The following BTNL8 variants were observed in gnomAD, a reference collection of about 807,000 sequenced individuals.
BTNL8 encodes butyrophilin-like protein 8.
In BTNL8, 22 loss-of-function variants were observed where a neutral mutation model predicts 36.1. The ratio of observed to expected loss-of-function variants is 0.61; its 90% CI spans 0.44 to 0.87. The LOEUF (loss-of-function observed/expected upper bound fraction) is 0.87, where lower values mean the gene tolerates loss of function less well. BTNL8 is among the 40% of genes least tolerant of loss of function. The probability of loss-of-function intolerance (pLI) is 0.00; values close to 1 mark genes in which losing one functional copy is unlikely to be tolerated. For synonymous variants in BTNL8, 203 were observed against 235.6 expected (o/e 0.86, Z 1.27); for missense variants, 526 against 616.9 (o/e 0.85, Z 1.56).
rs1759368806 is a variant in BTNL8 at position 180,948,209 on chromosome 5, G to A, written c.788-146G>A. ...CCAGAGAGCCACACTCCGTGCAGGA[G>A]CTGGGGAGACGAGCACATATAAGTG... On this transcript the variant is annotated intron_variant, in intron 4 of 7. Coordinates refer to ENST00000340184, the MANE Select transcript of BTNL8 (RefSeq NM_001040462.3). 4.1e-6 allele frequency: 5 copies of A among 1,221,962 alleles called. No individual in the cohort carries two copies. The East Asian group carries it at 1.3e-4, about 31-fold the overall frequency. The allele number at this position is 1,221,962 out of a possible 1,614,324, so 75.7% of individuals were successfully genotyped here.
intron 3 of BTNL8, among the ~76,000 whole-genome samples, chr5:180,929,109 A>G (rs1436007234): frequency 1.3e-5 from 2 of 152,222 alleles, no homozygotes; most frequent in Non-Finnish European, 2.9e-5. Context: ...ATCATAACAA[A>G]CAGCCTCTCG....
Position 180,899,332 on chromosome 5 carries a change from G to C in BTNL8, c.22G>C (p.Val8Leu). 6.2e-7 allele frequency: 1 copy of C among 1,614,150 alleles called. No individual in the cohort carries two copies. Among genetic ancestry groups the C allele is most frequent in the Non-Finnish European group, 8.5e-7 (1 of 1,180,014 alleles). Residue 8 changes from valine (V) to leucine (L), a missense_variant, in exon 1 of 8, where the codon GTT becomes CTT. By Grantham distance (32) the Val-to-Leu change is conservative. Coordinates refer to ENST00000340184, the MANE Select transcript of BTNL8 (RefSeq NM_001040462.3). ...ATCCATGGCTCTCATGCTCAGTTTG[G>C]TTCTGAGTCTCCTCAAGCTGGGATC... MALMLSL[V>L]LSLLKLGSGQ...
In BTNL8 at chr5:180,899,174, G is replaced by T; in HGVS notation, c.-137G>T. 1 of 937,810 alleles carries T rather than the reference G, an allele frequency of 1.1e-6. No individual in the cohort carries two copies. The allele number at this position is 937,810 out of a possible 1,614,324, so 58.1% of individuals were successfully genotyped here. A position where few individuals can be genotyped will look rare whatever the true frequency, so the allele number is the denominator to read the frequency against. The stretch of plus-strand genomic sequence containing the variant: ...GTAGACTCTCAGAACAGCGCAGTTT[G>T]CCCTCCGCTCACGCAGAGCCTCTCC... On this transcript the variant is annotated 5_prime_UTR_variant, in exon 1 of 8. Transcript: ENST00000340184.
chr5:180,900,563 A>C (rs1756782617), intron 1 of BTNL8, among the ~76,000 whole-genome samples: 2 of 152,224 alleles, frequency 1.3e-5, no homozygotes, highest in East Asian at 3.8e-4. Flanking sequence ...AGGTACCCTG[A>C]AAAATGTTTC....
At chr5:180,941,279 A>G (rs919860958) in intron 3 of BTNL8, among the ~76,000 whole-genome samples, 5 of 152,224 alleles carry the variant, frequency 3.3e-5, no homozygotes, top group African/African-American at 1.2e-4. Context: ...CAGACTAATA[A>G]TGAGTAACAA....
chr5:180,902,551 T>C (rs1255031163), intron 1 of BTNL8, among the ~76,000 whole-genome samples: 1 of 151,690 alleles, frequency 6.6e-6, no homozygotes, highest in Non-Finnish European at 1.5e-5. Context: ...ATACTTTAAG[T>C]TTTAGGGTAC....
chr5:180,917,028 G>A (rs1268928408), intron 3 of BTNL8, among the ~76,000 whole-genome samples: 1 of 149,318 alleles, frequency 6.7e-6, no homozygotes, highest in African/African-American at 2.5e-5. Flanking sequence ...TTAGACTACG[G>A]CACTATGAAA....
chr5:180,938,729 G>C (rs1456530744), intron 3 of BTNL8, among the ~76,000 whole-genome samples: 1 of 151,746 alleles, frequency 6.6e-6, no homozygotes, highest in Non-Finnish European at 1.5e-5. Context: ...GTAGAGACGG[G>C]GTTTCGCCAT....
chr5:180,910,424 C>T (rs1326768315), intron 2 of BTNL8, among the ~76,000 whole-genome samples: 1 of 152,152 alleles, frequency 6.6e-6, no homozygotes, highest in Non-Finnish European at 1.5e-5. Context: ...ATACATAACT[C>T]ACAGACTTCC....
intron 1 of BTNL8, among the ~76,000 whole-genome samples, chr5:180,905,656 G>C (rs1315334093): frequency 2.7e-4 from 30 of 110,530 alleles, no homozygotes; most frequent in Non-Finnish European, 4.7e-4. Flanking sequence ...TTTCTCTTGT[G>C]GGCATTTAGT....
At chr5:180,901,098 G>A (rs905026802) in intron 1 of BTNL8, among the ~76,000 whole-genome samples, 2 of 152,170 alleles carry the variant, frequency 1.3e-5, no homozygotes, top group African/African-American at 4.8e-5. Flanking sequence ...GCTACACCAG[G>A]TCAGAAGCTG....
At chr5:180,905,360 A>G (rs1225949623) in intron 1 of BTNL8, among the ~76,000 whole-genome samples, 5 of 138,188 alleles carry the variant, frequency 3.6e-5, no homozygotes, top group Non-Finnish European at 7.6e-5. Context: ...TTTCTGTGGG[A>G]TCGGTGGTGA....
At chr5:180,934,571 G>A (rs751879692) in intron 3 of BTNL8, among the ~76,000 whole-genome samples, 9 of 152,238 alleles carry the variant, frequency 5.9e-5, no homozygotes, top group Non-Finnish European at 1.2e-4. Context: ...CTGTGGTGGA[G>A]CAGGCAGCTC....
At chr5:180,918,831 A>C (rs2113801000) in intron 3 of BTNL8, among the ~76,000 whole-genome samples, 1 of 152,346 alleles carries the variant, frequency 6.6e-6, no homozygotes, top group Non-Finnish European at 1.5e-5. Context: ...AGTTATCTAA[A>C]AGACCTGGAA....
intron 3 of BTNL8, among the ~76,000 whole-genome samples, chr5:180,924,570 C>T (rs910094101): frequency 2.0e-5 from 3 of 152,170 alleles, no homozygotes; most frequent in Admixed American, 6.5e-5. Context: ...GGTAGTGGCC[C>T]AGCCCAACTA....
At chr5:180,915,881 A>G (rs1376328065) in intron 3 of BTNL8, among the ~76,000 whole-genome samples, 1 of 152,244 alleles carries the variant, frequency 6.6e-6, no homozygotes, top group Non-Finnish European at 1.5e-5. Context: ...TATAGAAGCA[A>G]TGTAGCTCAA....
intron 4 of BTNL8, chr5:180,947,892 T>C: frequency 7.8e-7 from 1 of 1,277,686 alleles, no homozygotes; most frequent in Non-Finnish European, 1.1e-6. Flanking sequence ...GCTTGGATAA[T>C]TTTCCATGAA....
At chr5:180,941,001 A>G (rs1758907545) in intron 3 of BTNL8, among the ~76,000 whole-genome samples, 1 of 151,858 alleles carries the variant, frequency 6.6e-6, no homozygotes, top group Admixed American at 6.6e-5. Context: ...GCTGAGGCTG[A>G]GAATCATTGA....
intron 3 of BTNL8, among the ~76,000 whole-genome samples, chr5:180,946,123 C>A (rs1759231189): frequency 6.6e-6 from 1 of 152,032 alleles, no homozygotes; most frequent in Non-Finnish European, 1.5e-5. Context: ...TGGCTATTAT[C>A]AAAAAGATTA....
Sources: allele counts gnomAD v4.1 joint callset (sites outside exome capture counted in the v4.1 genomes callset), GRCh38; gene constraint gnomAD v4.1.1; transcripts MANE v1.5; gene names NCBI Gene and HGNC (gene_info 2026-07-23, HGNC 2026-07-21).